Variants in GRHL3 observed in about 807,000 individuals in gnomAD.
GRHL3 encodes the protein grainyhead-like protein 3 homolog.
A neutral mutation model predicts 70.3 loss-of-function variants in GRHL3; 20 were observed. The observed-to-expected ratio is 0.28, with a 90% CI of 0.20 to 0.41. The LOEUF is 0.41. Ranked by LOEUF, GRHL3 falls within the 10% of genes least tolerant of loss-of-function variation. The pLI is 1.00. For missense variants in GRHL3, 637 were observed against 762.3 expected, an observed-to-expected ratio of 0.84 and a Z score of 1.94; for synonymous variants, 299 against 299.9, an observed-to-expected ratio of 1.00 and a Z score of 0.03.
intron 14 of GRHL3, 114 bp downstream of exon 14, chr1:24,347,667 C>G (rs1640345057): frequency 2.4e-6 from 2 of 823,792 alleles, no homozygotes; most frequent in African/African-American, 3.3e-5. Flanking sequence ...ATGCCGGTGG[C>G]CTACCCGTCC....
rs1231406918 is a variant in GRHL3, at chr1:24,361,732, C to T, written c.1695-2453C>T. On this transcript the variant is annotated intron_variant, in intron 15 of 15. Transcript: ENST00000350501. ...TTTTCAAGTCTGTCTTCCCCTCCTT[C>T]CAGAAAGGGAGTCTATCTTTTATCT... 8.1e-4 allele frequency among the ~76,000 whole-genome samples: 123 copies of T among 152,270 alleles called. 1 individual carries two copies. The highest frequency in any genetic ancestry group is 5.9e-5 in the Non-Finnish European group (4 of 68,020).
At chr1:24,356,145 C>T (rs1047389657), downstream of GRHL3, among the ~76,000 whole-genome samples, 3 of 152,166 alleles carry the variant, frequency 2.0e-5, no homozygotes, top group Non-Finnish European at 2.9e-5. Flanking sequence ...GTGATCCACT[C>T]GCCTCAGCCT....
chr1:24,356,586 T>C (rs1640726843), downstream of GRHL3, among the ~76,000 whole-genome samples: 2 of 152,216 alleles, frequency 1.3e-5, no homozygotes, highest in South Asian at 4.1e-4. Flanking sequence ...CTTTCTTCCT[T>C]TGGGAGAGCA....
chr1:24,358,453 T>C, downstream of GRHL3: 1 of 1,127,724 alleles, frequency 8.9e-7, no homozygotes, highest in Non-Finnish European at 1.4e-6. Context: ...GCTGCCACAC[T>C]CATGATCGGT....
Position 24,347,473 on chromosome 1 carries a change from C to T in GRHL3, c.1549C>T (p.Leu517=), listed in dbSNP as rs1640335426. Residue 517 remains leucine, a synonymous_variant, in exon 14 of 16, where the codon CTG becomes TTG. Coordinates refer to ENST00000361548, the MANE Select transcript of GRHL3 (RefSeq NM_198173.3). ...AGCTGGCCCTTGCTTTTCAGTTCTG[C>T]TGTATGTGCGGAGGGAGACTGAGGA... The part of the protein sequence containing the change: ...AKEGDLQRVL[L]YVRRETEEVF... The T allele has an allele frequency of 6.2e-7, 1 of 1,613,950 alleles. No individual in the cohort carries two copies. Among genetic ancestry groups the T allele is most frequent in the African/African-American group, 1.3e-5 (1 of 75,056 alleles).
chr1:24,354,359 C>G lies in GRHL3; in HGVS notation c.1695-15C>G. 6.3e-7 allele frequency: 1 copy of G among 1,582,532 alleles called. No homozygotes were observed. Among genetic ancestry groups the G allele is most frequent in the Non-Finnish European group, 8.7e-7 (1 of 1,151,300 alleles). ...CGCCTGCTGTGTTCCAACCACATCC[C>G]CTCTTCCATTCCAGAATCTTAGTCA... On this transcript the variant is annotated splice_polypyrimidine_tract_variant and intron_variant, in intron 15 of 15. Coordinates refer to ENST00000361548, the MANE Select transcript of GRHL3 (RefSeq NM_198173.3).
chr1:24,321,386 A>G lies in GRHL3; in HGVS notation c.17+1818A>G, dbSNP rs1251081114. Among the ~76,000 whole-genome samples the G allele has an allele frequency of 6.6e-6, 1 of 152,192 alleles. No homozygotes were observed. On this transcript the variant is annotated intron_variant, in intron 1 of 15. Transcript: ENST00000361548. This position sits in a 1 kb window ranked among gnomAD's most constrained non-coding sequence, Gnocchi z 4.0. ...AGAGCCTGGGGGCTCAGCTGCCCCT[A>G]CTGGTAAGGGGAGGGCACCCGGCGC...
At chr1:24,355,986 C>T (rs12071523), downstream of GRHL3, among the ~76,000 whole-genome samples, 310 of 151,844 alleles carry the variant, frequency 2.0e-3, no homozygotes, top group African/African-American at 6.8e-3. Flanking sequence ...CTGCAACCTC[C>T]GCCTCCCGGG....
intron 1 of GRHL3, among the ~76,000 whole-genome samples, chr1:24,327,987 C>T (rs1195878832): frequency 6.6e-6 from 1 of 152,180 alleles, no homozygotes; most frequent in Non-Finnish European, 1.5e-5. Context: ...TTATTGGTGG[C>T]AGGAGCAGGC....
In GRHL3 at chr1:24,350,152, G is replaced by A. The variant is rs753749560; in HGVS notation, c.1694+30G>A. 1.4e-5 allele frequency: 22 copies of A among 1,594,282 alleles called. No individual in the cohort carries two copies. In the African/African-American group the frequency reaches 1.6e-4, roughly 12 times the overall value. ...GTGCCTAGTTCACCCTCCCCCAGCT[G>A]GTTGCTCAGTGCTGAGCAATGTTTG... On this transcript the variant is annotated intron_variant, in intron 15 of 15. Coordinates refer to ENST00000361548, the MANE Select transcript of GRHL3 (RefSeq NM_198173.3).
chr1:24,352,241 G>C (rs1248546670), intron 15 of GRHL3, among the ~76,000 whole-genome samples: 1 of 152,176 alleles, frequency 6.6e-6, no homozygotes, highest in Non-Finnish European at 1.5e-5. Context: ...GTCCTCATGT[G>C]AGAAACAGGA....
intron 1 of GRHL3, among the ~76,000 whole-genome samples, chr1:24,329,976 C>A (rs1181346758): frequency 6.6e-6 from 1 of 152,226 alleles, no homozygotes; most frequent in African/African-American, 2.4e-5. Flanking sequence ...GAATCAGCAG[C>A]ACCAGGGAAA....
Position 24,349,505 on chromosome 1 carries a change from C to T in GRHL3, c.1630-553C>T, listed in dbSNP as rs114435787. On this transcript the variant is annotated intron_variant, in intron 14 of 15. Transcript: ENST00000361548. Reference sequence around the variant, plus strand: ...CTGACCGCTTATTCAGGGCTCAGTACGCGCCAGGAGCTGTCTTAAGTGTTT... The same window carrying T: ...CTGACCGCTTATTCAGGGCTCAGTATGCGCCAGGAGCTGTCTTAAGTGTTT... 3.1e-3 allele frequency among the ~76,000 whole-genome samples: 479 copies of T among 152,318 alleles called. 2 individuals carry two copies. Among genetic ancestry groups the T allele is most frequent in the South Asian group, 6.6e-3 (32 of 4,828 alleles).
intron 15 of GRHL3, among the ~76,000 whole-genome samples, chr1:24,361,290 C>T (rs1641100882): frequency 6.6e-6 from 1 of 152,142 alleles, no homozygotes; most frequent in South Asian, 2.1e-4. Flanking sequence ...AGATGACGTA[C>T]CTAAAACACA....
intron 1 of GRHL3, among the ~76,000 whole-genome samples, chr1:24,324,563 C>A (rs767993515): frequency 6.6e-6 from 1 of 152,226 alleles, no homozygotes; most frequent in Non-Finnish European, 1.5e-5. Flanking sequence ...CATCTTCCAA[C>A]AGTAATACTT....
intron 1 of GRHL3, among the ~76,000 whole-genome samples, chr1:24,330,556 G>T (rs572916962): frequency 2.0e-5 from 3 of 152,170 alleles, no homozygotes; most frequent in Non-Finnish European, 4.4e-5. Context: ...AGTGCCTAAC[G>T]CATGGCCAGT....
chr1:24,351,303 C>T (rs1640494711), intron 15 of GRHL3, among the ~76,000 whole-genome samples: 2 of 152,146 alleles, frequency 1.3e-5, no homozygotes, highest in African/African-American at 2.4e-5. Context: ...GCCTTCCTCA[C>T]AGGCCCAGCC....
In GRHL3 at chr1:24,347,510, C is replaced by T. The variant is rs753414526; in HGVS notation, c.1586C>T (p.Ala529Val). 5.8e-5 allele frequency: 94 copies of T among 1,614,158 alleles called. 1 individual carries two copies. The highest frequency in any genetic ancestry group is 3.3e-4 in the Middle Eastern group (2 of 6,062). The part of the protein sequence containing the change: ...VRRETEEVFD[A>V]LMLKTPDLKG... ...AGGGAGACTGAGGAGGTGTTTGACGCGCTCATGTTGAAGACCCCAGACCTG... is the reference window on the plus strand; with the variant it reads ...AGGGAGACTGAGGAGGTGTTTGACGTGCTCATGTTGAAGACCCCAGACCTG... Residue 529 changes from alanine (A) to valine (V), a missense_variant, in exon 14 of 16, where the codon GCG becomes GTG. Coordinates refer to ENST00000361548, the MANE Select transcript of GRHL3 (RefSeq NM_198173.3).
At chr1:24,347,734 T>C (rs1196844188) in intron 14 of GRHL3, among the ~76,000 whole-genome samples, 181 bp downstream of exon 14, 2 of 152,166 alleles carry the variant, frequency 1.3e-5, no homozygotes, top group African/African-American at 4.8e-5. Flanking sequence ...TCTGCGATGT[T>C]ATCTCCCAGC....
Sources: allele counts gnomAD v4.1 joint callset (sites outside exome capture counted in the v4.1 genomes callset), GRCh38; gene constraint gnomAD v4.1.1; non-coding constraint Gnocchi (gnomAD v3.1); transcripts MANE v1.5; gene names NCBI Gene and HGNC (gene_info 2026-07-23, HGNC 2026-07-21).